Variants in MATN2 observed in about 807,000 individuals in gnomAD.
The protein encoded by MATN2 is matrilin-2.
A neutral mutation model predicts 103.2 loss-of-function variants in MATN2; 69 were observed. The ratio of observed to expected loss-of-function variants is 0.67; its 90% CI spans 0.55 to 0.82. The LOEUF (loss-of-function observed/expected upper bound fraction) is 0.82, where lower values mean the gene tolerates loss of function less well. Ranked by LOEUF, MATN2 falls within the 40% of genes least tolerant of loss-of-function variation. The pLI, the probability that MATN2 is intolerant of heterozygous loss-of-function variation, is 0.00. For missense variants in MATN2, 1,023 were observed against 1,211.5 expected (o/e 0.84, Z 2.31); for synonymous variants, 429 against 450.2 (o/e 0.95, Z 0.60).
At chr8:97,898,054 A>G (rs1197274248) in intron 2 of MATN2, among the ~76,000 whole-genome samples, 2 of 151,722 alleles carry the variant, frequency 1.3e-5, no homozygotes, top group Non-Finnish European at 2.9e-5. Flanking sequence ...TTCCCTCTCC[A>G]GTACCCCCCT....
At chr8:98,008,736 C>G (rs1813060380) in intron 10 of MATN2, among the ~76,000 whole-genome samples, 1 of 152,204 alleles carries the variant, frequency 6.6e-6, no homozygotes, top group Admixed American at 6.5e-5. Context: ...TCGACATTGA[C>G]AGCATGCCAA....
chr8:97,898,288 A>G (rs1818879157), intron 2 of MATN2, among the ~76,000 whole-genome samples: 1 of 152,140 alleles, frequency 6.6e-6, no homozygotes, highest in Non-Finnish European at 1.5e-5. Context: ...TCTAATGCTA[A>G]TAATGATAAC....
At chr8:97,991,143 G>A (rs951711745) in intron 6 of MATN2, among the ~76,000 whole-genome samples, 5 of 152,190 alleles carry the variant, frequency 3.3e-5, no homozygotes, top group Admixed American at 6.5e-5. Flanking sequence ...CTGGTTGATG[G>A]AAATTCTCTG....
Position 98,016,542 on chromosome 8 carries a change from T to G in MATN2, c.1576T>G (p.Leu526Val). 6.2e-7 allele frequency: 1 copy of G among 1,607,162 alleles called. No homozygotes were observed. Among genetic ancestry groups the G allele is most frequent in the Non-Finnish European group, 8.5e-7 (1 of 1,176,278 alleles). The change falls in exon 11 of 19, where the codon TTG (leucine) becomes GTG (valine). Residue 526 changes from leucine to valine, a missense_variant and splice_region_variant. Leu to Val is a conservative substitution (Grantham distance 32). Coordinates refer to ENST00000254898, the MANE Select transcript of MATN2 (RefSeq NM_002380.5). ...LRSDGKTCAKLDSCALGDHGC... is the reference protein window; with the variant it reads ...LRSDGKTCAKVDSCALGDHGC... The stretch of plus-strand genomic sequence containing the variant: ...TCTAATTCCCATTTGATTCTCAGAA[T>G]TGGACTCTTGTGCTCTGGGGGACCA...
At chr8:97,958,294 A>G (rs1811201273) in intron 4 of MATN2, among the ~76,000 whole-genome samples, 1 of 152,224 alleles carries the variant, frequency 6.6e-6, no homozygotes. Flanking sequence ...CATCTGCAGT[A>G]GAGATTGGGA....
intron 2 of MATN2, among the ~76,000 whole-genome samples, chr8:97,924,475 C>A (rs1809919658): frequency 6.6e-6 from 1 of 152,170 alleles, no homozygotes; most frequent in African/African-American, 2.4e-5. Flanking sequence ...TTTCTGAAAT[C>A]AATTTTCCTG....
chr8:97,994,169 G>A (rs1812490613), intron 6 of MATN2, among the ~76,000 whole-genome samples: 1 of 141,218 alleles, frequency 7.1e-6, no homozygotes, highest in Non-Finnish European at 1.5e-5. Context: ...AAAGAAAAGA[G>A]GGAAAGAAGA....
intron 6 of MATN2, 79 bp downstream of exon 6, chr8:97,979,087 A>G: frequency 6.9e-7 from 1 of 1,445,484 alleles, no homozygotes; most frequent in Non-Finnish European, 9.4e-7. Flanking sequence ...AACTCTCTCA[A>G]GTATAGATTA....
intron 18 of MATN2, among the ~76,000 whole-genome samples, chr8:98,034,756 C>T (rs115614719): frequency 0.017 from 2,536 of 152,190 alleles, 63 homozygotes; most frequent in African/African-American, 0.058. Context: ...GTGAAAACTC[C>T]GTATCGCCCT....
At chr8:97,952,227 C>T (rs1320548791) in intron 4 of MATN2, 2 of 152,202 alleles carry the variant, frequency 1.3e-5, no homozygotes, top group Non-Finnish European at 2.9e-5. Context: ...ACCCACTTCT[C>T]CTTCTCTCTT....
rs1813584316 is a variant in MATN2 at position 98,021,332 on chromosome 8, G to C, written c.1942+5G>C. On this transcript the variant is annotated splice_donor_5th_base_variant and intron_variant, in intron 13 of 18. Transcript: ENST00000254898. ...AGGACGGAAGACGGTGCAAGAGTAA[G>C]TGATCTGAACTTGGCTCTCTGCTTT... The C allele has an allele frequency of 6.2e-7, 1 of 1,612,554 alleles. No individual in the cohort carries two copies. Among genetic ancestry groups the C allele is most frequent in the African/African-American group, 1.3e-5 (1 of 74,996 alleles).
At chr8:98,024,428 C>T (rs958435237) in intron 13 of MATN2, among the ~76,000 whole-genome samples, 6 of 152,132 alleles carry the variant, frequency 3.9e-5, no homozygotes, top group African/African-American at 1.4e-4. Flanking sequence ...TCACTTGAAC[C>T]CAGGAGGTGG....
chr8:98,030,023 C>T (rs1300126071), intron 14 of MATN2, among the ~76,000 whole-genome samples: 2 of 152,186 alleles, frequency 1.3e-5, no homozygotes, highest in South Asian at 2.1e-4. Context: ...CTTCACTTGG[C>T]CTCAGGTCAC....
intron 4 of MATN2, among the ~76,000 whole-genome samples, chr8:97,945,717 A>ATAT (rs1554605715): frequency 0.015 from 1,807 of 121,794 alleles, 33 homozygotes; most frequent in African/African-American, 0.038. Flanking sequence ...AAAAAAAAAA[A>ATAT]ATATATATAT....
At chr8:97,927,557 T>C (rs1479945937) in intron 2 of MATN2, among the ~76,000 whole-genome samples, 1 of 152,232 alleles carries the variant, frequency 6.6e-6, no homozygotes, top group East Asian at 1.9e-4. Flanking sequence ...GCTATGAGAC[T>C]GTGGTTCTGA....
intron 2 of MATN2, among the ~76,000 whole-genome samples, chr8:97,894,075 A>G (rs920157733): frequency 6.6e-6 from 1 of 152,188 alleles, no homozygotes; most frequent in Admixed American, 6.5e-5. Flanking sequence ...TTGTGTTTTA[A>G]GAGAGCATTT....
At chr8:97,975,818 C>G (rs1489115121) in intron 5 of MATN2, among the ~76,000 whole-genome samples, 1 of 152,226 alleles carries the variant, frequency 6.6e-6, no homozygotes, top group Admixed American at 6.5e-5. Flanking sequence ...CTGTGACAAA[C>G]AGACTGGACC....
chr8:97,883,961 A>G (rs1013818044), intron 1 of MATN2, among the ~76,000 whole-genome samples: 20 of 152,080 alleles, frequency 1.3e-4, no homozygotes, highest in African/African-American at 4.8e-4. Flanking sequence ...GCCTTTTGCC[A>G]TTACATTTTG....
intron 2 of MATN2, among the ~76,000 whole-genome samples, chr8:97,917,015 G>A (rs1809652915): frequency 1.3e-5 from 2 of 152,070 alleles, no homozygotes; most frequent in African/African-American, 4.8e-5. Context: ...TCTTCCTGGA[G>A]GAATTTATGA....
Sources: allele counts gnomAD v4.1 joint callset (sites outside exome capture counted in the v4.1 genomes callset), GRCh38; gene constraint gnomAD v4.1.1; transcripts MANE v1.5; gene names NCBI Gene and HGNC (gene_info 2026-07-23, HGNC 2026-07-21).